OPCML: variants seen among roughly 807,000 people sequenced by gnomAD.
OPCML encodes opioid binding protein/cell adhesion molecule like.
OPCML carries 13 observed loss-of-function variants against 37.8 expected under a neutral mutation model. That is an observed-to-expected ratio of 0.34 (90% CI 0.22 to 0.55). The LOEUF is 0.55. Among genes scored for constraint, OPCML ranks in the 20% least tolerant of loss-of-function variants. OPCML has a pLI of 0.91. For synonymous variants in OPCML, 176 were observed against 168.8 expected, an observed-to-expected ratio of 1.04 and a Z score of -0.33; for missense variants, 341 against 435.6, an observed-to-expected ratio of 0.78 and a Z score of 1.93.
intron 1 of OPCML, chr11:133,298,641 A>G (rs568466694): frequency 6.6e-6 from 1 of 152,286 alleles, no homozygotes; most frequent in Admixed American, 6.5e-5. Context: ...AAAACTATAA[A>G]GAAAACATTT....
At chr11:132,645,018 C>T (rs189480009) in intron 3 of OPCML, among the ~76,000 whole-genome samples, 56 of 152,318 alleles carry the variant, frequency 3.7e-4, no homozygotes, top group African/African-American at 1.3e-3. Flanking sequence ...AATCGGAGCA[C>T]ATAATCCATC....
intron 1 of OPCML, among the ~76,000 whole-genome samples, chr11:133,519,503 T>C (rs888443039): frequency 6.6e-6 from 1 of 151,990 alleles, no homozygotes; most frequent in African/African-American, 2.4e-5. Flanking sequence ...CACCAAAATA[T>C]AGCTAAAAAA....
At chr11:132,877,298 C>CAA (rs550176288) in intron 2 of OPCML, among the ~76,000 whole-genome samples, 1 of 151,840 alleles carries the variant, frequency 6.6e-6, no homozygotes, top group African/African-American at 2.4e-5. Flanking sequence ...CCCCCCCACC[C>CAA]AAAAAAAGAT....
At chr11:133,316,998 G>A (rs920170609) in intron 1 of OPCML, among the ~76,000 whole-genome samples, 1 of 152,156 alleles carries the variant, frequency 6.6e-6, no homozygotes, top group Admixed American at 6.5e-5. Context: ...AGGAGCTTGA[G>A]AGCAGCCTGG....
intron 1 of OPCML, among the ~76,000 whole-genome samples, chr11:133,059,143 G>A (rs956804213): frequency 6.6e-6 from 1 of 152,220 alleles, no homozygotes; most frequent in Non-Finnish European, 1.5e-5. Flanking sequence ...CAGAGATCAA[G>A]GCAGTAATAG....
At chr11:133,196,526 G>A (rs1938542020) in intron 1 of OPCML, among the ~76,000 whole-genome samples, 2 of 152,074 alleles carry the variant, frequency 1.3e-5, no homozygotes, top group African/African-American at 4.8e-5. Flanking sequence ...ATACCAGAGG[G>A]GATAGGTTGG....
At chr11:132,432,781 C>G (rs2096001599) in intron 7 of OPCML, among the ~76,000 whole-genome samples, 1 of 152,282 alleles carries the variant, frequency 6.6e-6, no homozygotes, top group African/African-American at 2.4e-5. Context: ...TTTAAACAAA[C>G]AACTTTTGAA....
At chr11:133,463,904 A>T (rs1187277754) in intron 1 of OPCML, among the ~76,000 whole-genome samples, 4 of 152,212 alleles carry the variant, frequency 2.6e-5, no homozygotes, top group Non-Finnish European at 5.9e-5. Flanking sequence ...GATGGTTGGC[A>T]ATTGACCCGG....
chr11:132,675,181 GTATA>G (rs10602904), intron 2 of OPCML, among the ~76,000 whole-genome samples: 1,961 of 143,398 alleles, frequency 0.014, 82 homozygotes, highest in East Asian at 0.089. Context: ...GTGTGTGTGT[GTATA>G]TATATATATA....
At chr11:133,433,251 C>CAAAAGAAAAAAAAA (rs1946163266) in intron 1 of OPCML, among the ~76,000 whole-genome samples, 1 of 90,734 alleles carries the variant, frequency 1.1e-5, no homozygotes, top group African/African-American at 4.6e-5. Context: ...GACTCCGTCT[C>CAAAAGAAAAAAAAA]AAAAAAAAAA....
intron 3 of OPCML, among the ~76,000 whole-genome samples, chr11:132,550,159 A>T (rs2096378153): frequency 6.6e-6 from 1 of 152,172 alleles, no homozygotes; most frequent in Admixed American, 6.5e-5. Context: ...CCTTATACAC[A>T]CAAATGGCTC....
At chr11:133,449,854 T>A (rs1489658957) in intron 1 of OPCML, among the ~76,000 whole-genome samples, 2 of 149,850 alleles carry the variant, frequency 1.3e-5, no homozygotes, top group African/African-American at 4.9e-5. Context: ...GGGGCCACAA[T>A]TCAACCACTA....
chr11:132,983,119 A>C (rs1158929826), intron 1 of OPCML, among the ~76,000 whole-genome samples: 2 of 152,192 alleles, frequency 1.3e-5, no homozygotes, highest in African/African-American at 4.8e-5. Flanking sequence ...CAGGGAAAAC[A>C]GCCCCCCTCC....
intron 1 of OPCML, among the ~76,000 whole-genome samples, chr11:133,138,558 A>T (rs940953606): frequency 4.6e-5 from 7 of 152,148 alleles, no homozygotes; most frequent in African/African-American, 1.7e-4. Context: ...AAAATAGGAC[A>T]ATCTGCTTAA....
intron 2 of OPCML, among the ~76,000 whole-genome samples, chr11:132,843,288 G>A (rs1305852431): frequency 6.6e-6 from 1 of 151,838 alleles, no homozygotes; most frequent in African/African-American, 2.4e-5. Flanking sequence ...AAGTAGCAAT[G>A]GGGTTTCTTC....
chr11:133,203,366 A>C (rs538024624), intron 1 of OPCML, among the ~76,000 whole-genome samples: 1 of 152,226 alleles, frequency 6.6e-6, no homozygotes, highest in Non-Finnish European at 1.5e-5. Context: ...GTTGAATGTG[A>C]GTTCCTTTTG....
chr11:132,579,882 T>C (rs2096458815), intron 3 of OPCML, among the ~76,000 whole-genome samples: 1 of 152,066 alleles, frequency 6.6e-6, no homozygotes, highest in African/African-American at 2.4e-5. Context: ...AAACCAGCAA[T>C]CCAAAAATGA....
intron 1 of OPCML, among the ~76,000 whole-genome samples, chr11:133,428,525 T>A (rs1306070438): frequency 2.0e-5 from 3 of 152,114 alleles, no homozygotes; most frequent in Non-Finnish European, 2.9e-5. Context: ...AAATAACTAT[T>A]TGAAAATAAT....
chr11:132,847,242 T>A (rs1941586946), intron 2 of OPCML, among the ~76,000 whole-genome samples: 1 of 152,176 alleles, frequency 6.6e-6, no homozygotes. Flanking sequence ...AAGCCATAAA[T>A]CTCTAACTCT....
Sources: gnomAD v4.1 joint callset for allele counts (sites outside exome capture counted in the v4.1 genomes callset) on GRCh38, gnomAD v4.1.1 for gene constraint, MANE v1.5 for transcripts, NCBI Gene and HGNC (gene_info 2026-07-23, HGNC 2026-07-21) for gene names.